The following RAB3IP variants were observed in gnomAD, a reference collection of about 807,000 sequenced individuals.
The protein encoded by RAB3IP is rab-3A-interacting protein.
In RAB3IP, 36 loss-of-function variants were observed where a neutral mutation model predicts 59.1. The observed-to-expected ratio is 0.61, with a 90% CI of 0.47 to 0.80. The LOEUF (loss-of-function observed/expected upper bound fraction) is 0.80, where lower values mean the gene tolerates loss of function less well. Ranked by LOEUF, RAB3IP falls within the 30% of genes least tolerant of loss-of-function variation. The pLI, the probability that RAB3IP is intolerant of heterozygous loss-of-function variation, is 0.00. For synonymous variants in RAB3IP, 207 were observed against 191.2 expected (o/e 1.08, Z -0.68); for missense variants, 511 against 536.0 (o/e 0.95, Z 0.46).
rs573777086 is a variant in RAB3IP at position 69,750,197 on chromosome 12, C to T, written c.-25-5187C>T. On this transcript the variant is annotated intron_variant, in intron 1 of 10. Coordinates refer to ENST00000247833, the MANE Select transcript of RAB3IP (RefSeq NM_022456.5). Reference sequence around the variant, plus strand: ...TGCTTAATATTTAGTAAGTGCTCAACGAATACTAGCTGTTATGGGAGGAGC... The same window carrying T: ...TGCTTAATATTTAGTAAGTGCTCAATGAATACTAGCTGTTATGGGAGGAGC... 1.1e-4 allele frequency among the ~76,000 whole-genome samples: 17 copies of T among 152,246 alleles called. No individual in the cohort carries two copies. In the East Asian group the frequency reaches 2.1e-3, roughly 19 times the overall value.
intron 6 of RAB3IP, chr12:69,795,752 A>G: frequency 4.3e-6 from 1 of 234,114 alleles, no homozygotes; most frequent in Non-Finnish European, 8.2e-6. Flanking sequence ...AAATTCAGAG[A>G]GAATTTTATG....
chr12:69,814,667 AGTGGTGGTG>A, intron 10 of RAB3IP, among the ~76,000 whole-genome samples: 1 of 151,716 alleles, frequency 6.6e-6, no homozygotes, highest in Admixed American at 6.6e-5. Context: ...GGGAATGAGG[AGTGGTGGTG>A]GTGGTAGTGG....
chr12:69,751,650 A>G (rs1411205344), intron 1 of RAB3IP, among the ~76,000 whole-genome samples: 1 of 152,212 alleles, frequency 6.6e-6, no homozygotes, highest in Non-Finnish European at 1.5e-5. Context: ...TCAGAATCAC[A>G]GTATCAATAT....
Position 69,819,155 on chromosome 12 carries a change from A to G in RAB3IP, c.*3709A>G, listed in dbSNP as rs1489241171. 1.3e-5 allele frequency: 2 copies of G among 152,252 alleles called. No homozygotes were observed. The highest frequency in any genetic ancestry group is 2.9e-5 in the Non-Finnish European group (2 of 68,042). 9.4% of individuals were successfully genotyped at this position (152,252 alleles called of 1,614,324 possible). A position where few individuals can be genotyped will look rare whatever the true frequency, so the allele number is the denominator to read the frequency against. On this transcript the variant is annotated 3_prime_UTR_variant, in exon 11 of 11. Coordinates refer to ENST00000247833, the MANE Select transcript of RAB3IP (RefSeq NM_022456.5). ...GTTATGCATGGAACATCGGTGGTGT[A>G]TTATGAATCAAGCATTATTACTAGC...
At chr12:69,741,391 A>G (rs977296986) in intron 1 of RAB3IP, among the ~76,000 whole-genome samples, 4 of 152,226 alleles carry the variant, frequency 2.6e-5, no homozygotes, top group Non-Finnish European at 4.4e-5. Context: ...CCAAAATGGA[A>G]CGTAGTGCTT....
chr12:69,739,819 C>A lies in RAB3IP; in HGVS notation c.-26+788C>A, dbSNP rs1887110524. 1.9e-6 allele frequency: 3 copies of A among 1,613,774 alleles called. No homozygotes were observed. In the African/African-American group the frequency reaches 4.0e-5, roughly 22 times the overall value. ...AGAAGTGATGATGCTGGGTGGAAGT[C>A]GCAGCATGTGAAGAGTTGCCGGTTG... is the stretch of plus-strand genomic sequence containing the variant. On this transcript the variant is annotated intron_variant, in intron 1 of 10. Transcript: ENST00000247833.
chr12:69,768,820 G>A (rs1484453606), intron 3 of RAB3IP, among the ~76,000 whole-genome samples: 2 of 152,080 alleles, frequency 1.3e-5, no homozygotes, highest in African/African-American at 4.8e-5. Flanking sequence ...TAAAACAGGT[G>A]CTCCAATCTC....
chr12:69,750,572 T>C (rs1460568631), intron 1 of RAB3IP, among the ~76,000 whole-genome samples: 1 of 151,338 alleles, frequency 6.6e-6, no homozygotes, highest in Admixed American at 6.6e-5. Flanking sequence ...TTACAGTTTA[T>C]TGGAAAAACC....
At chr12:69,758,590 CAAT>C (rs1182263148) in intron 3 of RAB3IP, among the ~76,000 whole-genome samples, 2 of 151,902 alleles carry the variant, frequency 1.3e-5, no homozygotes, top group Non-Finnish European at 2.9e-5. Context: ...AGTTTTTGTG[CAAT>C]AATTGTTGTA....
chr12:69,773,216 C>A (rs999507884), intron 3 of RAB3IP, among the ~76,000 whole-genome samples: 5 of 152,006 alleles, frequency 3.3e-5, no homozygotes, highest in African/African-American at 9.7e-5. Context: ...TTGCTGCTTT[C>A]AGAATCCCCT....
rs545146246 is a variant in RAB3IP, at chr12:69,749,381, T to C, written c.-25-6003T>C. ...ACCCTCTGCCCTGTCTGTGGAAAAA[T>C]TGTCTTCCACGAAACTGGTCCCTGG... On this transcript the variant is annotated intron_variant, in intron 1 of 10. Coordinates refer to ENST00000247833, the MANE Select transcript of RAB3IP (RefSeq NM_022456.5). Among the ~76,000 whole-genome samples, 17 of 152,266 alleles carry C rather than the reference T, an allele frequency of 1.1e-4. No individual in the cohort carries two copies. In the South Asian group the frequency reaches 2.7e-3, roughly 24 times the overall value.
chr12:69,746,622 C>T (rs1254340974), intron 1 of RAB3IP, among the ~76,000 whole-genome samples: 2 of 152,108 alleles, frequency 1.3e-5, no homozygotes, highest in Non-Finnish European at 2.9e-5. Context: ...GGCAATCATC[C>T]TTCCATTCCA....
chr12:69,819,208 CAAA>C lies in RAB3IP; in HGVS notation c.*3766_*3768del, dbSNP rs745946385. The stretch of plus-strand genomic sequence containing the variant: ...AGTTATATGTGCCTTCATTCCAAAA[CAAA>C]AAATAAAAGGTAAGAAAATTGTTGA... On this transcript the variant is annotated 3_prime_UTR_variant, in exon 11 of 11. Transcript: ENST00000247833. 2 of 151,910 alleles carry C rather than the reference CAAA, an allele frequency of 1.3e-5. No individual in the cohort carries two copies. Among genetic ancestry groups the C allele is most frequent in the Non-Finnish European group, 2.9e-5 (2 of 67,956 alleles). The allele number at this position is 151,910 out of a possible 1,614,324, so 9.4% of individuals were successfully genotyped here. A position where few individuals can be genotyped will look rare whatever the true frequency, so the allele number is the denominator to read the frequency against.
intron 1 of RAB3IP, among the ~76,000 whole-genome samples, chr12:69,752,806 T>A (rs1869557023): frequency 6.6e-6 from 1 of 152,228 alleles, no homozygotes; most frequent in African/African-American, 2.4e-5. Context: ...AGGTTTTTTA[T>A]GTTAATGAAT....
rs1881452012 is a variant in RAB3IP at position 69,819,237 on chromosome 12, A to G, written c.*3791A>G. 1 of 152,186 alleles carries G rather than the reference A, an allele frequency of 6.6e-6. No homozygotes were observed. The highest frequency in any genetic ancestry group is 1.5e-5 in the Non-Finnish European group (1 of 68,030). The allele number at this position is 152,186 out of a possible 1,614,324, so 9.4% of individuals were successfully genotyped here. On this transcript the variant is annotated 3_prime_UTR_variant, in exon 11 of 11. Transcript: ENST00000247833. ...AAATAAAAGGTAAGAAAATTGTTGAATTGCATTTGAGAGAGAGGAAAGGAA... is the reference window on the plus strand; with the variant it reads ...AAATAAAAGGTAAGAAAATTGTTGAGTTGCATTTGAGAGAGAGGAAAGGAA...
At position 69,821,579 on chromosome 12, in the gene RAB3IP, A is replaced by C. The variant is rs938527425; in HGVS notation, c.*6133A>C. On this transcript the variant is annotated 3_prime_UTR_variant, in exon 11 of 11. Transcript: ENST00000247833. ...GTGGGCTCCATTGTGTTTTCACACA[A>C]TGTGCTATTTGTCCTTCACAGTGTT... The C allele has an allele frequency of 1.3e-5, 2 of 152,180 alleles. No individual in the cohort carries two copies. The highest frequency in any genetic ancestry group is 2.9e-5 in the Non-Finnish European group (2 of 68,022). The allele number at this position is 152,180 out of a possible 1,614,324, so 9.4% of individuals were successfully genotyped here.
At chr12:69,784,953 T>A (rs1875384759) in intron 4 of RAB3IP, 138 bp downstream of exon 4, 2 of 443,008 alleles carry the variant, frequency 4.5e-6, no homozygotes, top group Admixed American at 8.1e-5. Flanking sequence ...AGAGAAATCT[T>A]TAAGCAATGT....
At chr12:69,809,291 C>G (rs930521460) in intron 8 of RAB3IP, among the ~76,000 whole-genome samples, 1 of 152,162 alleles carries the variant, frequency 6.6e-6, no homozygotes, top group African/African-American at 2.4e-5. Context: ...ATGGGCTTCC[C>G]TTTGTGGGTA....
chr12:69,820,678 G>A lies in RAB3IP; in HGVS notation c.*5232G>A, dbSNP rs1199654611. On this transcript the variant is annotated 3_prime_UTR_variant, in exon 11 of 11. Transcript: ENST00000247833. ...GTTCGAGACCTGCTTGGCCAACATG[G>A]AGAAACCCTGTCTCTACTAAAAACA... The A allele has an allele frequency of 2.6e-5, 4 of 151,768 alleles. No homozygotes were observed. The highest frequency in any genetic ancestry group is 7.3e-5 in the African/African-American group (3 of 41,278). The allele number at this position is 151,768 out of a possible 1,614,324, so 9.4% of individuals were successfully genotyped here. A position where few individuals can be genotyped will look rare whatever the true frequency, so the allele number is the denominator to read the frequency against.
Sources: gnomAD v4.1 joint callset for allele counts (sites outside exome capture counted in the v4.1 genomes callset) on GRCh38, gnomAD v4.1.1 for gene constraint, MANE v1.5 for transcripts, NCBI Gene and HGNC (gene_info 2026-07-23, HGNC 2026-07-21) for gene names.